The following SMC5 variants were observed in gnomAD, a reference collection of about 807,000 sequenced individuals.
The protein encoded by SMC5 is structural maintenance of chromosomes 5, also known as structural maintenance of chromosomes protein 5.
Under a neutral mutation model 148.3 loss-of-function variants are expected in SMC5, and 88 were observed. The observed-to-expected ratio is 0.59, with a 90% CI of 0.50 to 0.71. SMC5 has a LOEUF of 0.71. Ranked by LOEUF, SMC5 falls within the 30% of genes least tolerant of loss-of-function variation. SMC5 has a pLI of 0.00. For missense variants in SMC5, 1,142 were observed against 1,298.9 expected, an observed-to-expected ratio of 0.88 and a Z score of 1.86; for synonymous variants, 421 against 432.8, an observed-to-expected ratio of 0.97 and a Z score of 0.34.
chr9:70,351,605 G>A (rs1171755326), intron 24 of SMC5, among the ~76,000 whole-genome samples: 1 of 152,034 alleles, frequency 6.6e-6, no homozygotes, highest in Non-Finnish European at 1.5e-5. Flanking sequence ...AAATTGTGGA[G>A]GACATACTCT....
intron 2 of SMC5, among the ~76,000 whole-genome samples, chr9:70,267,413 G>A: frequency 6.6e-6 from 1 of 152,030 alleles, no homozygotes; most frequent in East Asian, 1.9e-4. Flanking sequence ...CTTTTAGAAC[G>A]ATGCTTGGTG....
chr9:70,264,563 G>A (rs2034224553), intron 2 of SMC5, 118 bp downstream of exon 2: 9 of 905,974 alleles, frequency 9.9e-6, no homozygotes, highest in Non-Finnish European at 1.4e-5. Flanking sequence ...TGAATACAAG[G>A]AATAAATTTG....
At chr9:70,330,280 C>T (rs2036185747) in intron 17 of SMC5, among the ~76,000 whole-genome samples, 1 of 152,092 alleles carries the variant, frequency 6.6e-6, no homozygotes, top group South Asian at 2.1e-4. Flanking sequence ...TGTTAGATGT[C>T]AGTAGTACAC....
intron 8 of SMC5, among the ~76,000 whole-genome samples, chr9:70,297,680 C>T (rs1206737678): frequency 1.3e-5 from 2 of 151,872 alleles, no homozygotes; most frequent in African/African-American, 2.4e-5. Context: ...TTTAGAAATC[C>T]GTTGGGCTTT....
At chr9:70,272,520 C>A (rs1026481335) in intron 3 of SMC5, among the ~76,000 whole-genome samples, 28 of 151,980 alleles carry the variant, frequency 1.8e-4, no homozygotes, top group Non-Finnish European at 4.0e-4. Context: ...ATTCACCAAC[C>A]TGGGCAACAT....
rs369141768 is a variant in SMC5, at chr9:70,297,657, C to T, written c.1054-309C>T. Among the ~76,000 whole-genome samples the T allele has an allele frequency of 4.3e-4, 65 of 152,238 alleles. No individual in the cohort carries two copies. In the East Asian group the frequency reaches 9.3e-3, roughly 22 times the overall value. On this transcript the variant is annotated intron_variant, in intron 8 of 24. Coordinates refer to ENST00000361138, the MANE Select transcript of SMC5 (RefSeq NM_015110.4). ...TTGGTCTTACGGCATATAGTATGTACTTCCTGTAAATATTTAGAAATCCGT... is the reference window on the plus strand; with the variant it reads ...TTGGTCTTACGGCATATAGTATGTATTTCCTGTAAATATTTAGAAATCCGT...
At chr9:70,276,295 T>A (rs553822370) in intron 3 of SMC5, among the ~76,000 whole-genome samples, 1 of 152,332 alleles carries the variant, frequency 6.6e-6, no homozygotes, top group South Asian at 2.1e-4. Context: ...AAATGAGTCC[T>A]CAAGATCACT....
intron 17 of SMC5, among the ~76,000 whole-genome samples, chr9:70,326,893 T>C (rs910947196): frequency 4.7e-4 from 71 of 152,194 alleles, no homozygotes; most frequent in Middle Eastern, 3.4e-3. Context: ...TGTACTGTTT[T>C]CAGTAATCAT....
rs941047795 is a variant in SMC5 at position 70,259,016 on chromosome 9, T to C, written c.-63T>C. On this transcript the variant is annotated 5_prime_UTR_variant, in exon 1 of 25. Transcript: ENST00000361138. ...GCGGGGCGCCTGGGTGGATGGGCGC[T>C]TGGGCGCCTGGGCTGCCGGACGGTG... 2.0e-6 allele frequency: 3 copies of C among 1,502,810 alleles called. No individual in the cohort carries two copies. Among genetic ancestry groups the C allele is most frequent in the African/African-American group, 2.8e-5 (2 of 71,042 alleles). The allele number at this position is 1,502,810 out of a possible 1,614,324, so 93.1% of individuals were successfully genotyped here.
At chr9:70,336,099 A>G (rs1339085122) in intron 17 of SMC5, among the ~76,000 whole-genome samples, 2 of 152,186 alleles carry the variant, frequency 1.3e-5, no homozygotes, top group Admixed American at 1.3e-4. Context: ...AGGGTTATGT[A>G]CATGATTCAC....
chr9:70,344,538 G>A (rs1474903420), intron 18 of SMC5: 2 of 164,730 alleles, frequency 1.2e-5, no homozygotes, highest in East Asian at 1.6e-4. Flanking sequence ...TGGAAACATT[G>A]TACCAGTAAT....
intron 1 of SMC5, among the ~76,000 whole-genome samples, chr9:70,260,373 C>T (rs1018437673): frequency 6.6e-6 from 1 of 152,214 alleles, no homozygotes; most frequent in Non-Finnish European, 1.5e-5. Flanking sequence ...TCCCGTAGTG[C>T]TGGGATTACA....
chr9:70,331,059 A>G (rs1048603090), intron 17 of SMC5, among the ~76,000 whole-genome samples: 5 of 152,192 alleles, frequency 3.3e-5, no homozygotes, highest in African/African-American at 1.2e-4. Context: ...TTCATCAGAA[A>G]TACTTGATCT....
At chr9:70,264,217 G>A (rs2034212837) in intron 1 of SMC5, 87 bp from the exon 2 acceptor site, 1 of 1,198,196 alleles carries the variant, frequency 8.3e-7, no homozygotes, top group Admixed American at 2.7e-5. Flanking sequence ...AGTTTTTAAA[G>A]GAATTTGAGG....
At chr9:70,273,327 T>C (rs954598822) in intron 3 of SMC5, among the ~76,000 whole-genome samples, 1 of 148,414 alleles carries the variant, frequency 6.7e-6, no homozygotes, top group Admixed American at 6.6e-5. Context: ...GATTTTCCCA[T>C]TTTTCTTAGT....
intron 18 of SMC5, 183 bp downstream of exon 18, chr9:70,344,452 T>TC (rs1227905763): frequency 5.1e-5 from 13 of 252,846 alleles, no homozygotes; most frequent in Non-Finnish European, 9.0e-5. Flanking sequence ...AGATCAATGG[T>TC]ATTGGTACTA....
At chr9:70,293,461 TTCTTA>T (rs900982986) in intron 8 of SMC5, among the ~76,000 whole-genome samples, 1 of 152,044 alleles carries the variant, frequency 6.6e-6, no homozygotes, top group African/African-American at 2.4e-5. Context: ...TTGATGTCTG[TTCTTA>T]TCTTTATGAT....
intron 11 of SMC5, among the ~76,000 whole-genome samples, chr9:70,309,805 A>T (rs1467299131): frequency 6.6e-6 from 1 of 152,028 alleles, no homozygotes; most frequent in Admixed American, 6.6e-5. Context: ...ATATCTTGAG[A>T]CCTCCTCCCA....
rs1468961124 is a variant in SMC5 at position 70,352,791 on chromosome 9, AT to A, written c.*461del. The A allele has an allele frequency of 6.6e-6, 1 of 152,582 alleles. No homozygotes were observed. The highest frequency in any genetic ancestry group is 1.5e-5 in the Non-Finnish European group (1 of 68,308). 9.5% of individuals were successfully genotyped at this position (152,582 alleles called of 1,614,324 possible). ...AAATTGATATGAAAATGTCTAATGT[AT>A]AGTAATAATTTATGACAGATCTAGT... On this transcript the variant is annotated 3_prime_UTR_variant, in exon 25 of 25. Coordinates refer to ENST00000361138, the MANE Select transcript of SMC5 (RefSeq NM_015110.4).
Sources: gnomAD v4.1 joint callset for allele counts (sites outside exome capture counted in the v4.1 genomes callset) on GRCh38, gnomAD v4.1.1 for gene constraint, MANE v1.5 for transcripts, NCBI Gene and HGNC (gene_info 2026-07-23, HGNC 2026-07-21) for gene names.